Variants in MAST4 observed in about 807,000 individuals in gnomAD.
MAST4 encodes microtubule-associated serine/threonine-protein kinase 4.
In MAST4, 89 loss-of-function variants were observed where a neutral mutation model predicts 162.7. The observed-to-expected ratio is 0.55, with a 90% CI of 0.46 to 0.65. The LOEUF (loss-of-function observed/expected upper bound fraction) is 0.65, where lower values mean the gene tolerates loss of function less well. MAST4 is among the 30% of genes least tolerant of loss of function. MAST4 has a pLI of 0.00. For synonymous variants in MAST4, 1,479 were observed against 1,361.1 expected (o/e 1.09, Z -1.91); for missense variants, 3,153 against 3,374.0 (o/e 0.93, Z 1.62).
rs1048207683 is a variant in MAST4, at chr5:67,114,099, G to A, written c.1471G>A (p.Glu491Lys). The A allele has an allele frequency of 1.9e-6, 3 of 1,613,602 alleles. No homozygotes were observed. Among genetic ancestry groups the A allele is most frequent in the African/African-American group, 2.7e-5 (2 of 74,874 alleles). ...TGTCTTCGGCTAGGAATTTGATCCG[G>A]AAGAATTTTACTACCTATTGGAAGC... is the stretch of plus-strand genomic sequence containing the variant. ...RLLECLEFDPEEFYYLLEAAE... is the reference protein window; with the variant it reads ...RLLECLEFDPKEFYYLLEAAE... The change falls in exon 12 of 29, where the codon GAA becomes AAA. Residue 491 changes from glutamate to lysine, a missense_variant. This residue lies in a region of MAST4 where 360 missense variants were observed against 450.0 expected (regional missense o/e 0.80). Coordinates refer to ENST00000403625, the MANE Select transcript of MAST4 (RefSeq NM_001164664.2).
At chr5:67,001,456 A>T (rs1048078041) in intron 4 of MAST4, 4 of 152,272 alleles carry the variant, frequency 2.6e-5, no homozygotes, top group Admixed American at 1.3e-4. Flanking sequence ...ATGCAAAAAA[A>T]AAAAATAAAT....
At chr5:67,056,144 T>C (rs1181096519) in intron 5 of MAST4, among the ~76,000 whole-genome samples, 2 of 151,922 alleles carry the variant, frequency 1.3e-5, no homozygotes, top group African/African-American at 4.8e-5. Context: ...ATTGATTTCA[T>C]GATAGTAGTT....
At chr5:66,715,986 G>A (rs1402144038) in intron 1 of MAST4, among the ~76,000 whole-genome samples, 1 of 151,836 alleles carries the variant, frequency 6.6e-6, no homozygotes, top group Non-Finnish European at 1.5e-5. Flanking sequence ...GAACCATTTG[G>A]TCACAGGAAA....
chr5:66,910,027 G>T (rs183997036), intron 4 of MAST4, among the ~76,000 whole-genome samples: 30 of 152,002 alleles, frequency 2.0e-4, no homozygotes. Flanking sequence ...CCCAGTCTTG[G>T]GTATGTCTTT....
chr5:66,934,456 A>C (rs1742498166), intron 4 of MAST4, among the ~76,000 whole-genome samples: 1 of 152,180 alleles, frequency 6.6e-6, no homozygotes, highest in Non-Finnish European at 1.5e-5. Context: ...GAAACATGGC[A>C]CTGAAATCAT....
intron 4 of MAST4, among the ~76,000 whole-genome samples, chr5:66,995,361 T>A (rs1257476574): frequency 6.6e-6 from 1 of 152,184 alleles, no homozygotes; most frequent in Non-Finnish European, 1.5e-5. Flanking sequence ...CAGGTCATGA[T>A]AATAGGACTG....
At chr5:66,604,019 C>A (rs979510623) in intron 1 of MAST4, among the ~76,000 whole-genome samples, 3 of 152,178 alleles carry the variant, frequency 2.0e-5, no homozygotes, top group Non-Finnish European at 4.4e-5. Flanking sequence ...TCTCTCATCG[C>A]CCTTTCACCT....
At chr5:66,661,588 A>G (rs1746914401) in intron 1 of MAST4, among the ~76,000 whole-genome samples, 1 of 152,200 alleles carries the variant, frequency 6.6e-6, no homozygotes, top group African/African-American at 2.4e-5. Context: ...GACTGCCTAT[A>G]GTATTTGTTG....
intron 1 of MAST4, among the ~76,000 whole-genome samples, chr5:66,696,912 T>TA (rs1001599593): frequency 2.6e-5 from 4 of 152,194 alleles, no homozygotes; most frequent in African/African-American, 2.4e-5. Context: ...GATGAAGCAG[T>TA]AAAAAAAATT....
chr5:66,923,486 A>G (rs188940659), intron 4 of MAST4, among the ~76,000 whole-genome samples: 279 of 152,346 alleles, frequency 1.8e-3, no homozygotes, highest in African/African-American at 6.4e-3. Context: ...CCACAAAACA[A>G]AATCATGCAA....
chr5:66,826,404 C>G (rs1483902793), intron 3 of MAST4, among the ~76,000 whole-genome samples: 1 of 152,046 alleles, frequency 6.6e-6, no homozygotes, highest in Non-Finnish European at 1.5e-5. Context: ...CCAAACACCT[C>G]GAGCTGCAGA....
At chr5:66,722,293 C>G (rs1751260319) in intron 1 of MAST4, among the ~76,000 whole-genome samples, 1 of 152,144 alleles carries the variant, frequency 6.6e-6, no homozygotes, top group Non-Finnish European at 1.5e-5. Flanking sequence ...CTCTTGCCTC[C>G]TGGCTATTTT....
Position 67,160,504 on chromosome 5 carries a change from A to G in MAST4, c.3697A>G (p.Ile1233Val), listed in dbSNP as rs1314123395. 10 of 1,613,842 alleles carry G rather than the reference A, an allele frequency of 6.2e-6. No homozygotes were observed. Among genetic ancestry groups the G allele is most frequent in the African/African-American group, 1.3e-5 (1 of 74,916 alleles). Residue 1233 changes from isoleucine to valine, a missense_variant, in exon 27 of 29, where the codon ATC becomes GTC. Physicochemically the swap from Ile to Val is conservative, Grantham distance 29. This residue lies in a region of MAST4 where 619 missense variants were observed against 744.2 expected (regional missense o/e 0.83). Coordinates refer to ENST00000403625, the MANE Select transcript of MAST4 (RefSeq NM_001164664.2). Reference protein sequence around the residue: ...ITTTPFENTSIKTGPARRNSY... With the variant: ...ITTTPFENTSVKTGPARRNSY... The stretch of plus-strand genomic sequence containing the variant: ...TACTACCCCATTTGAAAACACATCA[A>G]TCAAAACTGGACCAGCCAGGAGAAA...
intron 3 of MAST4, among the ~76,000 whole-genome samples, chr5:66,860,237 A>T (rs1239844310): frequency 6.6e-6 from 1 of 152,230 alleles, no homozygotes; most frequent in Non-Finnish European, 1.5e-5. Context: ...TGTTATAAAC[A>T]TTACAGTAGT....
At chr5:66,996,205 G>A (rs1396373453) in intron 4 of MAST4, among the ~76,000 whole-genome samples, 2 of 152,198 alleles carry the variant, frequency 1.3e-5, no homozygotes, top group South Asian at 2.1e-4. Context: ...CTTGAACCCC[G>A]GAGGCAGAGG....
chr5:67,075,948 G>C (rs1761592029), intron 5 of MAST4, among the ~76,000 whole-genome samples: 1 of 152,000 alleles, frequency 6.6e-6, no homozygotes, highest in African/African-American at 2.4e-5. Flanking sequence ...TATTGTAGTA[G>C]TCCTGGGAAA....
chr5:67,087,740 G>A (rs1317672101), intron 5 of MAST4, among the ~76,000 whole-genome samples: 1 of 152,186 alleles, frequency 6.6e-6, no homozygotes, highest in Non-Finnish European at 1.5e-5. Context: ...GTATGTATAT[G>A]TGTGTATACG....
chr5:66,757,129 G>A (rs992724719), intron 1 of MAST4, among the ~76,000 whole-genome samples: 2 of 151,444 alleles, frequency 1.3e-5, no homozygotes, highest in African/African-American at 4.9e-5. Flanking sequence ...TTTTCTACCC[G>A]CTGTTAATTT....
At chr5:66,910,731 T>G (rs1763688231) in intron 4 of MAST4, among the ~76,000 whole-genome samples, 1 of 22,384 alleles carries the variant, frequency 4.5e-5, no homozygotes, top group South Asian at 1.1e-3. Flanking sequence ...CACATGTGGT[T>G]TTTTTTTTTC....
Sources: allele counts gnomAD v4.1 joint callset (sites outside exome capture counted in the v4.1 genomes callset), GRCh38; gene constraint gnomAD v4.1.1; regional missense constraint gnomAD v4.1.1; transcripts MANE v1.5; gene names NCBI Gene and HGNC (gene_info 2026-07-23, HGNC 2026-07-21).